FCRL5: variants seen among roughly 807,000 people sequenced by gnomAD.
The protein encoded by FCRL5 is Fc receptor like 5.
Under a neutral mutation model 92.1 loss-of-function variants are expected in FCRL5, and 79 were observed. That is an observed-to-expected ratio of 0.86 (90% CI 0.72 to 1.03). The LOEUF (loss-of-function observed/expected upper bound fraction) is 1.03, where lower values mean the gene tolerates loss of function less well. Ranked by LOEUF, FCRL5 falls within the 50% of genes least tolerant of loss-of-function variation. The pLI, the probability that FCRL5 is intolerant of heterozygous loss-of-function variation, is 0.00. For missense variants in FCRL5, 1,160 were observed against 1,181.1 expected (o/e 0.98, Z 0.26); for synonymous variants, 466 against 469.3 (o/e 0.99, Z 0.09).
At chr1:157,535,058 G>T (rs1325845744) in intron 7 of FCRL5, among the ~76,000 whole-genome samples, 166 bp from the exon 8 acceptor site, 1 of 152,136 alleles carries the variant, frequency 6.6e-6, no homozygotes, top group African/African-American at 2.4e-5. Flanking sequence ...CCTCCATGCT[G>T]GTCTTTCCCT....
Position 157,531,257 on chromosome 1 carries a change from A to T in FCRL5, c.1681+3357T>A, listed in dbSNP as rs376929130. ...ACTAATTATTGGGGAAATACAATTA[A>T]AACGCCAATGAAGTATAACCTCACT... On this transcript the variant is annotated intron_variant, in intron 8 of 16. Transcript: ENST00000361835. Among the ~76,000 whole-genome samples, 26 of 152,348 alleles carry T rather than the reference A, an allele frequency of 1.7e-4. 2 individuals carry two copies. In the East Asian group the frequency reaches 2.7e-3, roughly 16 times the overall value.
chr1:157,536,104 G>T (rs2101626179), intron 7 of FCRL5, among the ~76,000 whole-genome samples: 1 of 152,060 alleles, frequency 6.6e-6, no homozygotes, highest in African/African-American at 2.4e-5. Context: ...ACCACACCTG[G>T]CTAATTTTTG....
At chr1:157,551,508 C>A (rs997762811) in intron 1 of FCRL5, among the ~76,000 whole-genome samples, 1 of 152,276 alleles carries the variant, frequency 6.6e-6, no homozygotes, top group African/African-American at 2.4e-5. Flanking sequence ...TTTGCCTGGA[C>A]AATTATTTAA....
intron 15 of FCRL5, among the ~76,000 whole-genome samples, chr1:157,517,125 C>G (rs1331393683): frequency 6.6e-6 from 1 of 152,188 alleles, no homozygotes; most frequent in African/African-American, 2.4e-5. Context: ...GTTCCTCTTT[C>G]CTGCTCCGAG....
rs150539464 is a variant in FCRL5, at chr1:157,517,014, A to G, written c.2813-1141T>C. 8.1e-4 allele frequency among the ~76,000 whole-genome samples: 123 copies of G among 152,322 alleles called. 1 individual carries two copies. The highest frequency in any genetic ancestry group is 4.4e-3 in the South Asian group (21 of 4,824). On this transcript the variant is annotated intron_variant, in intron 15 of 16. Coordinates refer to ENST00000361835, the MANE Select transcript of FCRL5 (RefSeq NM_031281.3). The stretch of plus-strand genomic sequence containing the variant: ...AAACACAATTCACTTGACTTTATAT[A>G]AGAAAAATTAGAAAACCAGAGAGGG...
chr1:157,551,896 C>G (rs987095104), intron 1 of FCRL5, among the ~76,000 whole-genome samples: 3 of 152,156 alleles, frequency 2.0e-5, no homozygotes, highest in African/African-American at 7.2e-5. Flanking sequence ...AAGAGAAAGA[C>G]CTGTCTTTCC....
intron 2 of FCRL5, chr1:157,547,495 T>C (rs1651612225): frequency 3.8e-5 from 20 of 525,566 alleles, no homozygotes; most frequent in South Asian, 3.4e-4. Flanking sequence ...AGAAAATCAA[T>C]GCTGCGCTGC....
Position 157,543,024 on chromosome 1 carries a change from T to C in FCRL5, c.958A>G (p.Arg320Gly). Reference sequence around the variant, plus strand: ...AGGGGGACACCCTCATGATAAAACCTGTACAAAGTGCGCAGAGAATCTTCC... The same window carrying C: ...AGGGGGACACCCTCATGATAAAACCCGTACAAAGTGCGCAGAGAATCTTCC... ...TQEDSLRTLYRFYHEGVPLRH... is the reference protein window; with the variant it reads ...TQEDSLRTLYGFYHEGVPLRH... The change falls in exon 6 of 17, where the codon AGG (arginine) becomes GGG (glycine). Residue 320 changes from arginine to glycine, a missense_variant. Transcript: ENST00000361835. 2 of 1,614,208 alleles carry C rather than the reference T, an allele frequency of 1.2e-6. No individual in the cohort carries two copies. Among genetic ancestry groups the C allele is most frequent in the Non-Finnish European group, 1.7e-6 (2 of 1,180,034 alleles).
intron 9 of FCRL5, among the ~76,000 whole-genome samples, chr1:157,526,931 C>T (rs1264679767): frequency 6.6e-6 from 1 of 151,922 alleles, no homozygotes; most frequent in African/African-American, 2.4e-5. Flanking sequence ...GAGGACAGGC[C>T]ATGGTGTTAA....
chr1:157,547,369 A>T (rs756139059), intron 2 of FCRL5, 172 bp from the exon 3 acceptor site: 1 of 870,022 alleles, frequency 1.1e-6, no homozygotes, highest in East Asian at 2.4e-5. Flanking sequence ...CACCTCACCC[A>T]AGGGAGAAAT....
chr1:157,533,397 A>G (rs1180450753), intron 8 of FCRL5: 1 of 152,124 alleles, frequency 6.6e-6, no homozygotes, highest in Non-Finnish European at 1.5e-5. Context: ...TCTTCATTCA[A>G]TTAATGGTTT....
chr1:157,521,643 A>T lies in FCRL5; in HGVS notation c.2240-351T>A, dbSNP rs1038024136. 2.4e-5 allele frequency: 4 copies of T among 167,204 alleles called. No homozygotes were observed. In the Admixed American group the frequency reaches 2.5e-4, roughly 10 times the overall value. The allele number at this position is 167,204 out of a possible 1,614,324, so 10.4% of individuals were successfully genotyped here. A position where few individuals can be genotyped will look rare whatever the true frequency, so the allele number is the denominator to read the frequency against. On this transcript the variant is annotated intron_variant, in intron 10 of 16. Transcript: ENST00000361835. ...CTTAAATAGACTGATCATACTGATT[A>T]GCTTGTAGATAAACAGGCACCTACA...
At chr1:157,537,517 G>A (rs138895795) in intron 7 of FCRL5, among the ~76,000 whole-genome samples, 2 of 152,046 alleles carry the variant, frequency 1.3e-5, no homozygotes, top group African/African-American at 2.4e-5. Flanking sequence ...ATTTCGCCCC[G>A]GTCCTGTGGT....
At position 157,513,845 on chromosome 1, in the gene FCRL5, T is replaced by A. The variant is rs1397929731; in HGVS notation, c.*1830A>T. 6.6e-6 allele frequency: 1 copy of A among 152,202 alleles called. No individual in the cohort carries two copies. Among genetic ancestry groups the A allele is most frequent in the Non-Finnish European group, 1.5e-5 (1 of 68,030 alleles). The allele number at this position is 152,202 out of a possible 1,614,324, so 9.4% of individuals were successfully genotyped here. On this transcript the variant is annotated 3_prime_UTR_variant, in exon 17 of 17. Coordinates refer to ENST00000361835, the MANE Select transcript of FCRL5 (RefSeq NM_031281.3). ...CCAGAACAGACTGTGAGCAGATTTT[T>A]TTCTTTAATCCTGAGCCTATGCTTG...
At chr1:157,545,164 T>C (rs1380864738) in intron 3 of FCRL5, 82 bp from the exon 4 acceptor site, 2 of 1,481,814 alleles carry the variant, frequency 1.3e-6, no homozygotes, top group Middle Eastern at 2.5e-4. Flanking sequence ...AGATTTTATT[T>C]TAAAAAAATG....
At chr1:157,525,412 G>A (rs951806329) in intron 9 of FCRL5, among the ~76,000 whole-genome samples, 1 of 152,198 alleles carries the variant, frequency 6.6e-6, no homozygotes, top group African/African-American at 2.4e-5. Flanking sequence ...ACACTGAGAA[G>A]ATTCTGCAAA....
Position 157,552,398 on chromosome 1 carries a change from G to C in FCRL5, c.-36C>G. On this transcript the variant is annotated 5_prime_UTR_variant, in exon 1 of 17. Transcript: ENST00000361835. ...ACCACCAAGGGCTGAGATCAAAAGA[G>C]AAGTTTCCTCAATTCCAAAACAGGT... 1 of 1,613,456 alleles carries C rather than the reference G, an allele frequency of 6.2e-7. No homozygotes were observed. Among genetic ancestry groups the C allele is most frequent in the Non-Finnish European group, 8.5e-7 (1 of 1,179,458 alleles).
intron 2 of FCRL5, among the ~76,000 whole-genome samples, chr1:157,548,954 C>T (rs1651684148): frequency 6.6e-6 from 1 of 152,078 alleles, no homozygotes; most frequent in Admixed American, 6.6e-5. Flanking sequence ...CAATGGACTA[C>T]AAATCATGCT....
At chr1:157,548,227 T>C (rs908189451) in intron 2 of FCRL5, among the ~76,000 whole-genome samples, 15 of 152,242 alleles carry the variant, frequency 9.9e-5, no homozygotes, top group Non-Finnish European at 2.9e-5. Context: ...ACCATGAAGC[T>C]ATCCTGGCCC....
Sources: allele counts gnomAD v4.1 joint callset (sites outside exome capture counted in the v4.1 genomes callset), GRCh38; gene constraint gnomAD v4.1.1; transcripts MANE v1.5; gene names NCBI Gene and HGNC (gene_info 2026-07-23, HGNC 2026-07-21).